Variants in RSPO3 observed in about 807,000 individuals in gnomAD.
The protein encoded by RSPO3 is R-spondin-3.
A neutral mutation model predicts 36.5 loss-of-function variants in RSPO3; 17 were observed. That is an observed-to-expected ratio of 0.47 (90% confidence interval 0.32 to 0.70). The LOEUF (loss-of-function observed/expected upper bound fraction) is 0.70. Among genes scored for constraint, RSPO3 ranks in the 30% least tolerant of loss-of-function variants. The pLI is 0.04. For missense variants in RSPO3, 294 were observed against 322.5 expected, an observed-to-expected ratio of 0.91 and a Z score of 0.68; for synonymous variants, 108 against 107.0, an observed-to-expected ratio of 1.01 and a Z score of -0.06.
intron 4 of RSPO3, among the ~76,000 whole-genome samples, chr6:127,184,391 G>T (rs2114255833): frequency 6.6e-6 from 1 of 151,924 alleles, no homozygotes; most frequent in East Asian, 1.9e-4. Flanking sequence ...CTAGAAATAT[G>T]AATTAAAATT....
In RSPO3 at chr6:127,134,310, T is replaced by C. The variant is rs943205182; in HGVS notation, c.98-14338T>C. On this transcript the variant is annotated intron_variant, in intron 1 of 4. Transcript: ENST00000356698. ...TAGCATTTTTAAGTAAGCCTTGTAA[T>C]GGTGTGGCATAGCTTGGCTGAGTGA... 3.9e-5 allele frequency among the ~76,000 whole-genome samples: 6 copies of C among 152,332 alleles called. No individual in the cohort carries two copies. The South Asian group carries it at 8.3e-4, about 21-fold the overall frequency.
At chr6:127,119,385 C>A in intron 1 of RSPO3, 96 bp downstream of exon 1, 1 of 854,022 alleles carries the variant, frequency 1.2e-6, no homozygotes. Context: ...CTGCAGCGGT[C>A]CTCCCGCCCT....
intron 4 of RSPO3, among the ~76,000 whole-genome samples, chr6:127,177,287 C>G (rs1264363277): frequency 5.9e-5 from 9 of 152,016 alleles, no homozygotes; most frequent in Non-Finnish European, 2.9e-5. Flanking sequence ...CCCAGCATTT[C>G]AAGCTTGTAA....
chr6:127,174,021 A>G (rs1274296281), intron 4 of RSPO3, among the ~76,000 whole-genome samples: 1 of 151,900 alleles, frequency 6.6e-6, no homozygotes, highest in Admixed American at 6.6e-5. Context: ...ATATGGGAAC[A>G]TTGATTTCCT....
At chr6:127,186,300 T>C (rs1026887836) in intron 4 of RSPO3, among the ~76,000 whole-genome samples, 5 of 152,166 alleles carry the variant, frequency 3.3e-5, no homozygotes, top group Non-Finnish European at 5.9e-5. Context: ...CCTACACATT[T>C]AACTAAAGAA....
intron 4 of RSPO3, among the ~76,000 whole-genome samples, chr6:127,167,223 G>A (rs1396841223): frequency 6.6e-6 from 1 of 151,480 alleles, no homozygotes; most frequent in East Asian, 2.0e-4. Flanking sequence ...TGCACAGATC[G>A]TCCCATCACC....
intron 3 of RSPO3, among the ~76,000 whole-genome samples, chr6:127,153,478 C>A (rs1032678108): frequency 2.6e-5 from 4 of 151,986 alleles, no homozygotes. Context: ...CTTTTTACTA[C>A]CTAAACTCAT....
chr6:127,160,257 G>A (rs1224873887), intron 4 of RSPO3, among the ~76,000 whole-genome samples: 2 of 152,156 alleles, frequency 1.3e-5, no homozygotes, highest in East Asian at 3.9e-4. Flanking sequence ...TGGATTGACA[G>A]TTTACAATTT....
At chr6:127,141,217 A>G (rs1020749891) in intron 1 of RSPO3, among the ~76,000 whole-genome samples, 5 of 152,166 alleles carry the variant, frequency 3.3e-5, no homozygotes, top group African/African-American at 1.2e-4. Flanking sequence ...TATACAGTGA[A>G]GCCTACTTGC....
At chr6:127,154,413 AAAAGG>A (rs1774553010) in intron 3 of RSPO3, among the ~76,000 whole-genome samples, 1 of 152,168 alleles carries the variant, frequency 6.6e-6, no homozygotes, top group South Asian at 2.1e-4. Flanking sequence ...CTAATACAGA[AAAAGG>A]AAACAAATCT....
At chr6:127,148,103 T>C (rs1774423034) in intron 1 of RSPO3, among the ~76,000 whole-genome samples, 1 of 152,100 alleles carries the variant, frequency 6.6e-6, no homozygotes, top group South Asian at 2.1e-4. Context: ...TACACCATAG[T>C]TCAAAACAGA....
chr6:127,153,809 C>T (rs374442694), intron 3 of RSPO3, among the ~76,000 whole-genome samples: 74 of 151,974 alleles, frequency 4.9e-4, no homozygotes, highest in Non-Finnish European at 6.0e-4. Context: ...TTGGAGGTGC[C>T]TTTTTTTGTA....
At chr6:127,195,332 T>A (rs1582818854) in intron 4 of RSPO3, among the ~76,000 whole-genome samples, 2 of 152,076 alleles carry the variant, frequency 1.3e-5, no homozygotes, top group Non-Finnish European at 1.5e-5. Flanking sequence ...CATGCCTCAT[T>A]GATTTTTTTT....
At chr6:127,125,974 C>T (rs1211449595) in intron 1 of RSPO3, among the ~76,000 whole-genome samples, 1 of 152,024 alleles carries the variant, frequency 6.6e-6, no homozygotes, top group East Asian at 1.9e-4. Context: ...AATGACTGCA[C>T]AAAAGAGTAT....
chr6:127,151,765 T>C (rs543426830), intron 3 of RSPO3, among the ~76,000 whole-genome samples: 1 of 152,210 alleles, frequency 6.6e-6, no homozygotes, highest in East Asian at 1.9e-4. Context: ...TTTTCTTCTC[T>C]AGTTGTAAAA....
At chr6:127,149,503 T>C (rs1240804871) in intron 2 of RSPO3, among the ~76,000 whole-genome samples, 3 of 152,170 alleles carry the variant, frequency 2.0e-5, no homozygotes, top group African/African-American at 7.2e-5. Context: ...AAGCTTTTTG[T>C]CCACATCTTT....
At chr6:127,151,161 T>C (rs1774484180) in intron 3 of RSPO3, among the ~76,000 whole-genome samples, 1 of 151,964 alleles carries the variant, frequency 6.6e-6, no homozygotes, top group Non-Finnish European at 1.5e-5. Flanking sequence ...CATACTGCTA[T>C]GCTGAAGTAT....
intron 1 of RSPO3, among the ~76,000 whole-genome samples, chr6:127,137,410 A>G (rs1295370479): frequency 6.6e-6 from 1 of 152,142 alleles, no homozygotes; most frequent in Non-Finnish European, 1.5e-5. Flanking sequence ...ATAAATAAAT[A>G]TCATTATAAG....
intron 3 of RSPO3, among the ~76,000 whole-genome samples, chr6:127,151,807 G>C (rs1774496072): frequency 1.3e-5 from 2 of 151,880 alleles, no homozygotes; most frequent in Admixed American, 6.6e-5. Context: ...TTAGGAATAG[G>C]GTAAAAAGTA....
Sources: allele counts gnomAD v4.1 joint callset (sites outside exome capture counted in the v4.1 genomes callset), GRCh38; gene constraint gnomAD v4.1.1; transcripts MANE v1.5; gene names NCBI Gene and HGNC (gene_info 2026-07-23, HGNC 2026-07-21).